Variants in MUC5B observed in about 807,000 individuals in gnomAD.
The protein encoded by MUC5B is mucin-5B.
MUC5B carries 116 observed loss-of-function variants against 376.9 expected under a neutral mutation model. The ratio of observed to expected loss-of-function variants is 0.31; its 90% confidence interval spans 0.26 to 0.36. MUC5B has a LOEUF of 0.36. Ranked by LOEUF, MUC5B falls within the 10% of genes least tolerant of loss-of-function variation. The pLI, the probability that MUC5B is intolerant of heterozygous loss-of-function variation, is 1.00. For missense variants in MUC5B, 7,165 were observed against 7,769.9 expected (o/e 0.92, Z 2.93); for synonymous variants, 3,517 against 3,390.9 (o/e 1.04, Z -1.29).
chr11:1,248,442 T>C lies in MUC5B; in HGVS notation c.11562T>C (p.Ser3854=), dbSNP rs4963057. ...CCACCGGCTCTGTGGCCACCCCCTC[T>C]TCCACCCCAGGAACAGCTCACACTA... ...TRATGSVATP[S]STPGTAHTTK... is the part of the protein sequence containing the mutation. The change falls in exon 31 of 49, where the codon TCT becomes TCC. Residue 3854 remains serine, a synonymous_variant. Transcript: ENST00000529681. 0.5 allele frequency: 777,355 copies of C among 1,551,570 alleles called. 213,466 individuals carry two copies. Among genetic ancestry groups the C allele is most frequent in the East Asian group, 0.7 (31,384 of 44,654 alleles).
At position 1,251,509 on chromosome 11, in the gene MUC5B, C is replaced by T; in HGVS notation, c.14629C>T (p.Pro4877Ser). The T allele has an allele frequency of 6.2e-7, 1 of 1,613,306 alleles. No individual in the cohort carries two copies. Among genetic ancestry groups the T allele is most frequent in the Non-Finnish European group, 8.5e-7 (1 of 1,179,848 alleles). ...CTCCACTCTGGGAACAGCTCACACC[C>T]CCAAAGTGGTGACCACCATGGCCAC... ...ASSTLGTAHT[P>S]KVVTTMATMP... The change falls in exon 31 of 49, where the codon CCC becomes TCC. Residue 4877 changes from proline to serine, a missense_variant. Around this residue, in one of 31 missense-constraint regions of MUC5B, gnomAD observed 730 missense variants for 592.7 expected, o/e 1.23. Coordinates refer to ENST00000529681, the MANE Select transcript of MUC5B (RefSeq NM_002458.3).
intron 4 of MUC5B, 54 bp downstream of exon 4, chr11:1,226,930 C>G: frequency 1.9e-6 from 3 of 1,588,688 alleles, no homozygotes; most frequent in Non-Finnish European, 2.6e-6. Context: ...GTGTGACCTC[C>G]CCACACGGCC....
chr11:1,225,821 C>A, intron 2 of MUC5B, 84 bp downstream of exon 2: 1 of 1,329,656 alleles, frequency 7.5e-7, no homozygotes, highest in Non-Finnish European at 1.1e-6. Context: ...GACGCCTCTC[C>A]AAGCAGCCAT....
chr11:1,247,547 G>A lies in MUC5B; in HGVS notation c.10667G>A (p.Ser3556Asn), dbSNP rs780055926. 2 of 1,610,842 alleles carry A rather than the reference G, an allele frequency of 1.2e-6. No homozygotes were observed. Among genetic ancestry groups the A allele is most frequent in the South Asian group, 1.1e-5 (1 of 90,952 alleles). ...ACCCGCACCTCGACCCTGCTGCCCA[G>A]CAGCCCCACATCGGCCCCCATAACC... ...SKTRTSTLLP[S>N]SPTSAPITTV... Residue 3556 changes from serine (S) to asparagine (N), a missense_variant, in exon 31 of 49, where the codon AGC (serine) becomes AAC (asparagine). Physicochemically the swap from Ser to Asn is conservative, Grantham distance 46. Around this residue, in one of 31 missense-constraint regions of MUC5B, gnomAD observed 939 missense variants for 770.6 expected, o/e 1.22. Coordinates refer to ENST00000529681, the MANE Select transcript of MUC5B (RefSeq NM_002458.3).
chr11:1,251,136 C>A lies in MUC5B; in HGVS notation c.14256C>A (p.Pro4752=). ...ATKSTATSFT[P]IPSSTLWTTW... ...AATCCACAGCTACCAGCTTTACACC[C>A]ATCCCCTCCTCCACCCTGTGGACCA... Residue 4752 remains proline, a synonymous_variant, in exon 31 of 49, where the codon CCC becomes CCA. Transcript: ENST00000529681. 1 of 1,611,332 alleles carries A rather than the reference C, an allele frequency of 6.2e-7. No individual in the cohort carries two copies. The highest frequency in any genetic ancestry group is 8.5e-7 in the Non-Finnish European group (1 of 1,178,274).
Position 1,239,789 on chromosome 11 carries a change from C to T in MUC5B, c.3584-10C>T, listed in dbSNP as rs140245340. The T allele has an allele frequency of 3.6e-4, 585 of 1,606,524 alleles. 2 individuals are homozygous for T. The Middle Eastern group carries it at 9.2e-3, about 25-fold the overall frequency. On this transcript the variant is annotated splice_polypyrimidine_tract_variant and intron_variant, in intron 27 of 48. Coordinates refer to ENST00000529681, the MANE Select transcript of MUC5B (RefSeq NM_002458.3). ...CCTGGTGAGTCTTCTGCTCACCCTG[C>T]CGGCCCTAGGCTGCTACCCGAAGTG...
rs761792995 is a variant in MUC5B, at chr11:1,245,435, C to A, written c.8555C>A (p.Thr2852Asn). The A allele has an allele frequency of 4.5e-6, 7 of 1,555,796 alleles. No individual in the cohort carries two copies. The South Asian group carries it at 6.8e-5, about 15-fold the overall frequency. The change falls in exon 31 of 49, where the codon ACC becomes AAC. Residue 2852 changes from threonine to asparagine, a missense_variant. By Grantham distance (65) the Thr-to-Asn change is moderately conservative. Coordinates refer to ENST00000529681, the MANE Select transcript of MUC5B (RefSeq NM_002458.3). ...ACACCCAGCAAGACCCGCACCTCGA[C>A]CCTGCTGCCCAGCAGCCCCACATCG... ...TATPSKTRTS[T>N]LLPSSPTSAP...
Position 1,243,575 on chromosome 11 carries a change from C to A in MUC5B, c.6695C>A (p.Thr2232Lys), listed in dbSNP as rs201102567. 1 of 1,608,520 alleles carries A rather than the reference C, an allele frequency of 6.2e-7. No individual in the cohort carries two copies. ...LGTTHITEPSTVTSHTLAATT... is the reference protein window; with the variant it reads ...LGTTHITEPSKVTSHTLAATT... ...ACCACCCACATCACAGAGCCTTCCA[C>A]GGTGACTTCCCACACCCTAGCAGCA... Residue 2232 changes from threonine to lysine, a missense_variant, in exon 31 of 49, where the codon ACG (threonine) becomes AAG (lysine). Around this residue, in one of 31 missense-constraint regions of MUC5B, gnomAD observed 67 missense variants for 103.0 expected, o/e 0.65. Coordinates refer to ENST00000529681, the MANE Select transcript of MUC5B (RefSeq NM_002458.3).
Position 1,246,386 on chromosome 11 carries a change from C to A in MUC5B, c.9506C>A (p.Thr3169Asn). 1 of 1,613,670 alleles carries A rather than the reference C, an allele frequency of 6.2e-7. No homozygotes were observed. Among genetic ancestry groups the A allele is most frequent in the Non-Finnish European group, 8.5e-7 (1 of 1,179,802 alleles). The change falls in exon 31 of 49, where the codon ACT (threonine) becomes AAT (asparagine). Residue 3169 changes from threonine (T) to asparagine (N), a missense_variant. Around this residue, in one of 31 missense-constraint regions of MUC5B, gnomAD observed 939 missense variants for 770.6 expected, o/e 1.22. Transcript: ENST00000529681. Reference protein sequence around the residue: ...GTTWILTEPSTTATVTVPTGS... With the variant: ...GTTWILTEPSNTATVTVPTGS... ...ACCTGGATCCTCACAGAGCCCAGCA[C>A]TACAGCCACCGTGACGGTGCCCACC...
chr11:1,231,963 T>A (rs768003340), intron 14 of MUC5B, 33 bp from the exon 15 acceptor site: 1 of 1,611,658 alleles, frequency 6.2e-7, no homozygotes, highest in Non-Finnish European at 8.5e-7. Context: ...GGCCCAACAG[T>A]GGCCGCTGAC....
At chr11:1,225,624 T>A (rs1035285762) in intron 1 of MUC5B, 57 bp from the exon 2 acceptor site, 1 of 1,504,874 alleles carries the variant, frequency 6.6e-7, no homozygotes, top group Non-Finnish European at 9.0e-7. Context: ...CGTGGTTGGG[T>A]TCGTGGCTGG....
intron 30 of MUC5B, among the ~76,000 whole-genome samples, 154 bp from the exon 31 acceptor site, chr11:1,240,697 C>T (rs187037646): frequency 7.5e-4 from 115 of 152,354 alleles, no homozygotes; most frequent in Non-Finnish European, 1.2e-3. Context: ...CATGCAGAAA[C>T]GGCTCTAACC....
rs1298612785 is a variant in MUC5B, at chr11:1,257,537, A to T, written c.16277A>T (p.Glu5426Val). ...CCCCTTGATCCATTCCAGCCCGGGG[A>T]GCGGTGGGTCAGCAACTGCCAGTCC... ...GPDGFPKFPG[E>V]RWVSNCQSCV... The change falls in exon 41 of 49, where the codon GAG (glutamate) becomes GTG (valine). Residue 5426 changes from glutamate (E) to valine (V), a missense_variant. Glu to Val is a moderately radical substitution (Grantham distance 121). Coordinates refer to ENST00000529681, the MANE Select transcript of MUC5B (RefSeq NM_002458.3). The surrounding 1 kb of genome is among the most constrained non-coding windows in gnomAD (Gnocchi z 8.9). 2.0e-5 allele frequency: 32 copies of T among 1,608,082 alleles called. No homozygotes were observed. The Admixed American group carries it at 2.3e-4, about 12-fold the overall frequency.
rs1862341857 is a variant in MUC5B, at chr11:1,243,217, G to A, written c.6337G>A (p.Ala2113Thr). Residue 2113 changes from alanine to threonine, a missense_variant, in exon 31 of 49, where the codon GCC becomes ACC. Physicochemically the swap from Ala to Thr is moderately conservative, Grantham distance 58. Transcript: ENST00000529681. Reference protein sequence around the residue: ...TVLTTTTTTVATGSMATPSSS... With the variant: ...TVLTTTTTTVTTGSMATPSSS... ...GCTGACCACCACCACCACAACTGTG[G>A]CCACTGGTTCTATGGCAACACCCTC... 4 of 1,577,752 alleles carry A rather than the reference G, an allele frequency of 2.5e-6. No individual in the cohort carries two copies. The highest frequency in any genetic ancestry group is 2.6e-6 in the Non-Finnish European group (3 of 1,161,988).
rs1190029337 is a variant in MUC5B, at chr11:1,242,199, T to A, written c.5319T>A (p.Thr1773=). 1 of 1,613,466 alleles carries A rather than the reference T, an allele frequency of 6.2e-7. No homozygotes were observed. Among genetic ancestry groups the A allele is most frequent in the South Asian group, 1.1e-5 (1 of 91,078 alleles). Reference sequence around the variant, plus strand: ...CAGAGACGACAATGAGCCCCTTGACTAACACCACCACCAGCCAGGGCACGA... The same window carrying A: ...CAGAGACGACAATGAGCCCCTTGACAAACACCACCACCAGCCAGGGCACGA... The part of the protein sequence containing the change: ...PRTETTMSPL[T]NTTTSQGTTR... The change falls in exon 31 of 49, where the codon ACT becomes ACA. Residue 1773 remains threonine, a synonymous_variant. Coordinates refer to ENST00000529681, the MANE Select transcript of MUC5B (RefSeq NM_002458.3).
rs747140553 is a variant in MUC5B at position 1,234,251 on chromosome 11, G to T, written c.2424G>T (p.Ala808=). ...ACCTGGACTGCAGCAACAGCTCGGC[G>T]GGCACCCCTGGGGCCGAGTGCCTCC... The part of the protein sequence containing the change: ...MVYLDCSNSS[A]GTPGAECLRS... Residue 808 remains alanine (A), a synonymous_variant, in exon 20 of 49, where the codon GCG becomes GCT. Coordinates refer to ENST00000529681, the MANE Select transcript of MUC5B (RefSeq NM_002458.3). This position sits in a 1 kb window ranked among gnomAD's most constrained non-coding sequence, Gnocchi z 6.3. 3.7e-6 allele frequency: 6 copies of T among 1,607,132 alleles called. No individual in the cohort carries two copies. Among genetic ancestry groups the T allele is most frequent in the East Asian group, 2.2e-5 (1 of 44,764 alleles).
chr11:1,228,805 G>C (rs1316880480), intron 8 of MUC5B, 40 bp downstream of exon 8: 2 of 1,281,136 alleles, frequency 1.6e-6, no homozygotes, highest in Non-Finnish European at 2.0e-6. Context: ...TTGTGCCAGA[G>C]AGAAGGGGCA....
rs1266435179 is a variant in MUC5B, at chr11:1,229,199, C to G, written c.1006C>G (p.Gln336Glu). 4.4e-6 allele frequency: 7 copies of G among 1,599,734 alleles called. No individual in the cohort carries two copies. The highest frequency in any genetic ancestry group is 1.1e-5 in the South Asian group (1 of 89,246). Reference sequence around the variant, plus strand: ...GACCTGCCCCCTCAACATGCAGCACCAGGAGTGTGGCTCACCCTGCACGGA... The same window carrying G: ...GACCTGCCCCCTCAACATGCAGCACGAGGAGTGTGGCTCACCCTGCACGGA... ...PRTCPLNMQHQECGSPCTDTC... is the reference protein window; with the variant it reads ...PRTCPLNMQHEECGSPCTDTC... Residue 336 changes from glutamine (Q) to glutamate (E), a missense_variant, in exon 9 of 49, where the codon CAG becomes GAG. Coordinates refer to ENST00000529681, the MANE Select transcript of MUC5B (RefSeq NM_002458.3).
chr11:1,257,482 A>G lies in MUC5B; in HGVS notation c.16270-48A>G. ...GTGGCTGGACAGATGCCCAGGGTTGACCTGTGTCTGTCCAGGAGCCCTCAG... is the reference window on the plus strand; with the variant it reads ...GTGGCTGGACAGATGCCCAGGGTTGGCCTGTGTCTGTCCAGGAGCCCTCAG... On this transcript the variant is annotated intron_variant, in intron 40 of 48. Coordinates refer to ENST00000529681, the MANE Select transcript of MUC5B (RefSeq NM_002458.3). This position sits in a 1 kb window ranked among gnomAD's most constrained non-coding sequence, Gnocchi z 8.9. The G allele has an allele frequency of 6.3e-7, 1 of 1,590,266 alleles. No homozygotes were observed. Among genetic ancestry groups the G allele is most frequent in the Non-Finnish European group, 8.6e-7 (1 of 1,166,892 alleles).
Sources: allele counts gnomAD v4.1 joint callset (sites outside exome capture counted in the v4.1 genomes callset), GRCh38; gene constraint gnomAD v4.1.1; regional missense constraint gnomAD v4.1.1; non-coding constraint Gnocchi (gnomAD v3.1); transcripts MANE v1.5; gene names NCBI Gene and HGNC (gene_info 2026-07-23, HGNC 2026-07-21).